Variants in KATNAL2 observed in about 807,000 individuals in gnomAD.
KATNAL2 encodes the protein katanin catalytic subunit A1 like 2, also known as katanin p60 ATPase-containing subunit A-like 2.
A neutral mutation model predicts 76.3 loss-of-function variants in KATNAL2; 52 were observed. That is an observed-to-expected ratio of 0.68 (90% CI 0.55 to 0.86). The LOEUF (loss-of-function observed/expected upper bound fraction) is 0.86. KATNAL2 is among the 40% of genes least tolerant of loss of function. The pLI, the probability that KATNAL2 is intolerant of heterozygous loss-of-function variation, is 0.00. For missense variants in KATNAL2, 660 were observed against 668.9 expected (o/e 0.99, Z 0.15); for synonymous variants, 243 against 244.2 (o/e 1.00, Z 0.05).
chr18:46,943,138 G>T (rs1483687402), intron 1 of KATNAL2, among the ~76,000 whole-genome samples: 1 of 152,006 alleles, frequency 6.6e-6, no homozygotes, highest in Admixed American at 6.6e-5. Flanking sequence ...TTTTTGATGT[G>T]TATGGTCTCA....
intron 3 of KATNAL2, among the ~76,000 whole-genome samples, chr18:46,957,037 C>CA (rs71264809): frequency 0.53 from 55,224 of 104,506 alleles, 12,535 homozygotes; most frequent in Non-Finnish European, 0.56. Context: ...AACTCCGTCT[C>CA]AAAAAAAAAA....
chr18:47,059,971 C>T (rs887668131), intron 8 of KATNAL2, among the ~76,000 whole-genome samples: 1 of 150,358 alleles, frequency 6.7e-6, no homozygotes, highest in Non-Finnish European at 1.5e-5. Context: ...CAAACATTGG[C>T]ATGATCATCC....
chr18:47,033,413 G>T (rs2069634104), intron 3 of KATNAL2: 5 of 1,613,424 alleles, frequency 3.1e-6, no homozygotes, highest in Non-Finnish European at 4.2e-6. Flanking sequence ...ACTCTCAGCC[G>T]CTGCTCTGGG....
At chr18:47,072,870 T>C (rs1178702867) in intron 13 of KATNAL2, among the ~76,000 whole-genome samples, 3 of 152,236 alleles carry the variant, frequency 2.0e-5, no homozygotes, top group Non-Finnish European at 2.9e-5. Context: ...TTCTTTCATA[T>C]GTCTATATGG....
intron 1 of KATNAL2, among the ~76,000 whole-genome samples, chr18:46,926,828 A>C (rs939920300): frequency 2.0e-5 from 3 of 152,110 alleles, no homozygotes; most frequent in African/African-American, 7.2e-5. Flanking sequence ...TGATCCCTTT[A>C]CCATTATGTA....
intron 10 of KATNAL2, among the ~76,000 whole-genome samples, chr18:47,065,909 G>T (rs955289903): frequency 6.6e-6 from 1 of 151,986 alleles, no homozygotes; most frequent in African/African-American, 2.4e-5. Context: ...AGGCTGCAGT[G>T]AGTGGTGATC....
At chr18:47,050,296 G>T (rs2061303056) in intron 4 of KATNAL2, among the ~76,000 whole-genome samples, 1 of 152,056 alleles carries the variant, frequency 6.6e-6, no homozygotes. Flanking sequence ...ACCATGCCAG[G>T]TCCCAGCACT....
chr18:46,959,925 C>G (rs1298894617), intron 3 of KATNAL2, among the ~76,000 whole-genome samples: 1 of 152,134 alleles, frequency 6.6e-6, no homozygotes, highest in Non-Finnish European at 1.5e-5. Context: ...CCAAATACAT[C>G]CTATAAACAT....
chr18:47,063,071 G>A lies in KATNAL2; in HGVS notation c.648+1G>A. 1 of 1,612,612 alleles carries A rather than the reference G, an allele frequency of 6.2e-7. No individual in the cohort carries two copies. Among genetic ancestry groups the A allele is most frequent in the Non-Finnish European group, 8.5e-7 (1 of 1,178,706 alleles). On this transcript the variant is annotated splice_donor_variant, in intron 9 of 17. Coordinates refer to ENST00000683218, the MANE Select transcript of KATNAL2 (RefSeq NM_001387690.1). LOFTEE classifies it high-confidence loss of function. ...CTTCGACCATAATCCAGACCCCTCA[G>A]TAAGTGGCGAAGATGTGACATTCAT... is the stretch of plus-strand genomic sequence containing the variant.
At position 47,099,383 on chromosome 18, in the gene KATNAL2, T is replaced by G; in HGVS notation, c.1352T>G (p.Leu451Arg). ...AGGGCCTTGGAGCTGCACACAGAGCTGGAGTACAGTGTGCTGAGCCAGGTC... is the reference window on the plus strand; with the variant it reads ...AGGGCCTTGGAGCTGCACACAGAGCGGGAGTACAGTGTGCTGAGCCAGGTC... ...KSRALELHTE[L>R]EYSVLSQETE... The change falls in exon 16 of 18, where the codon CTG becomes CGG. Residue 451 changes from leucine (L) to arginine (R), a missense_variant. Transcript: ENST00000683218. 6.2e-7 allele frequency: 1 copy of G among 1,613,464 alleles called. No individual in the cohort carries two copies. Among genetic ancestry groups the G allele is most frequent in the Non-Finnish European group, 8.5e-7 (1 of 1,179,614 alleles).
chr18:46,922,228 T>C (rs1252195978), intron 1 of KATNAL2, among the ~76,000 whole-genome samples: 1 of 151,586 alleles, frequency 6.6e-6, no homozygotes, highest in Non-Finnish European at 1.5e-5. Context: ...GCCTCCCAAG[T>C]AGCTGGGACC....
At position 47,054,458 on chromosome 18, in the gene KATNAL2, TTCTTAATCGACTCGGC is replaced by T. The variant is rs1569086804; in HGVS notation, c.332+23_332+38del. 6.2e-7 allele frequency: 1 copy of T among 1,611,236 alleles called. No individual in the cohort carries two copies. The highest frequency in any genetic ancestry group is 8.5e-7 in the Non-Finnish European group (1 of 1,177,430). On this transcript the variant is annotated intron_variant, in intron 6 of 17. Transcript: ENST00000683218. ...CAGAAGGTAAAGTGAATGGTAATTCTTCTTAATCGACTCGGCTCGAGGAGCTTGTGGAATCCCTTTC... is the reference window on the plus strand; with the variant it reads ...CAGAAGGTAAAGTGAATGGTAATTCTTCGAGGAGCTTGTGGAATCCCTTTC...
chr18:47,078,467 T>G (rs1254143343), intron 15 of KATNAL2, among the ~76,000 whole-genome samples: 1 of 152,214 alleles, frequency 6.6e-6, no homozygotes, highest in Non-Finnish European at 1.5e-5. Flanking sequence ...AATTTGAAGA[T>G]ATAGGATCTA....
At chr18:46,936,381 C>T (rs1174933400) in intron 1 of KATNAL2, among the ~76,000 whole-genome samples, 1 of 151,930 alleles carries the variant, frequency 6.6e-6, no homozygotes, top group Non-Finnish European at 1.5e-5. Flanking sequence ...AGCTAGAAGT[C>T]AATAATGAAT....
Position 47,093,094 on chromosome 18 carries a change from G to A in KATNAL2, c.1212-6149G>A, listed in dbSNP as rs577993907. ...GTTTTTTCTCTCTGGAAGCTTTTATGATCCTTTCTTTGTTCTCCAGGTTTT... is the reference window on the plus strand; with the variant it reads ...GTTTTTTCTCTCTGGAAGCTTTTATAATCCTTTCTTTGTTCTCCAGGTTTT... On this transcript the variant is annotated intron_variant, in intron 15 of 17. Transcript: ENST00000683218. 3.3e-5 allele frequency among the ~76,000 whole-genome samples: 5 copies of A among 152,218 alleles called. No individual in the cohort carries two copies. The East Asian group carries it at 9.7e-4, about 29-fold the overall frequency.
At chr18:46,943,390 C>A (rs989193104) in intron 1 of KATNAL2, among the ~76,000 whole-genome samples, 12 of 152,146 alleles carry the variant, frequency 7.9e-5, no homozygotes, top group African/African-American at 2.9e-4. Flanking sequence ...GAGGTCAGCA[C>A]AAGATACAGA....
intron 3 of KATNAL2, among the ~76,000 whole-genome samples, chr18:46,957,346 CG>C (rs2059787895): frequency 1.3e-5 from 2 of 150,652 alleles, no homozygotes; most frequent in Admixed American, 6.6e-5. Context: ...CTCCGCCCCC[CG>C]GGGTTCACGC....
chr18:46,934,419 C>T (rs1343913743), intron 1 of KATNAL2, among the ~76,000 whole-genome samples: 247 of 152,248 alleles, frequency 1.6e-3, no homozygotes, highest in East Asian at 9.8e-3. Flanking sequence ...CATTTTTTCA[C>T]GTGTCTTTTG....
At chr18:47,035,598 C>T (rs147815940) in intron 3 of KATNAL2, 1 of 524,868 alleles carries the variant, frequency 1.9e-6, no homozygotes, top group African/African-American at 1.9e-5. Flanking sequence ...GGCTGACACT[C>T]ACGGCTCTAG....
Sources: gnomAD v4.1 joint callset for allele counts (sites outside exome capture counted in the v4.1 genomes callset) on GRCh38, gnomAD v4.1.1 for gene constraint, MANE v1.5 for transcripts, NCBI Gene and HGNC (gene_info 2026-07-23, HGNC 2026-07-21) for gene names.